The following ARHGAP35 variants were observed in gnomAD, a reference collection of about 807,000 sequenced individuals.
The protein encoded by ARHGAP35 is Rho GTPase activating protein 35, also known as rho GTPase-activating protein 35.
Under a neutral mutation model 111.1 loss-of-function variants are expected in ARHGAP35, and 15 were observed. The observed-to-expected ratio is 0.13, with a 90% CI of 0.09 to 0.21. The LOEUF is 0.21. ARHGAP35 is among the 10% of genes least tolerant of loss of function. The probability of loss-of-function intolerance (pLI) is 1.00; values close to 1 mark genes in which losing one functional copy is unlikely to be tolerated. For missense variants in ARHGAP35, 1,262 were observed against 1,873.0 expected (o/e 0.67, Z 6.02); for synonymous variants, 643 against 710.3 (o/e 0.91, Z 1.51).
At chr19:46,938,935 A>G (rs10407209) in intron 3 of ARHGAP35, among the ~76,000 whole-genome samples, 3,595 of 152,238 alleles carry the variant, frequency 0.024, 149 homozygotes, top group African/African-American at 0.081. Flanking sequence ...GATTACAGGC[A>G]TGAGCCACTG....
At chr19:46,900,409 C>T (rs1319814461) in intron 1 of ARHGAP35, among the ~76,000 whole-genome samples, 1 of 152,012 alleles carries the variant, frequency 6.6e-6, no homozygotes, top group Non-Finnish European at 1.5e-5. Context: ...GTAGTAGAGA[C>T]GGAGTTTTGC....
intron 1 of ARHGAP35, among the ~76,000 whole-genome samples, chr19:46,894,416 C>T (rs1295782312): frequency 6.8e-6 from 1 of 146,454 alleles, no homozygotes; most frequent in Non-Finnish European, 1.5e-5. Context: ...ATGTAATTGA[C>T]TTTGGTTTAC....
At chr19:46,958,292 G>T (rs569063134) in intron 3 of ARHGAP35, among the ~76,000 whole-genome samples, 1 of 151,542 alleles carries the variant, frequency 6.6e-6, no homozygotes, top group Non-Finnish European at 1.5e-5. Context: ...GCTGAGGCAG[G>T]AGAATGGCGT....
In ARHGAP35 at chr19:46,908,883, A is replaced by G. The variant is rs983234786; in HGVS notation, c.-188-9605A>G. ...GTTCTGTATTCCCACCCTGGAATTC[A>G]GAAGAACCTTTAAGCAGGGATTGCA... On this transcript the variant is annotated intron_variant, in intron 1 of 6. Coordinates refer to ENST00000672722, the MANE Select transcript of ARHGAP35 (RefSeq NM_004491.5). This position sits in a 1 kb window ranked among gnomAD's most constrained non-coding sequence, Gnocchi z 4.2. Among the ~76,000 whole-genome samples the G allele has an allele frequency of 1.3e-5, 2 of 152,218 alleles. No individual in the cohort carries two copies. The highest frequency in any genetic ancestry group is 6.5e-5 in the Admixed American group (1 of 15,282).
Position 47,000,910 on chromosome 19 carries a change from T to A in ARHGAP35, c.*222T>A. ...AGACCTGAGCTGGCTTGGACCCATTTGAGGACTGAACTAGGCAGGCAATGG... is the reference window on the plus strand; with the variant it reads ...AGACCTGAGCTGGCTTGGACCCATTAGAGGACTGAACTAGGCAGGCAATGG... On this transcript the variant is annotated 3_prime_UTR_variant, in exon 7 of 7. Transcript: ENST00000672722. The surrounding 1 kb of genome is among the most constrained non-coding windows in gnomAD (Gnocchi z 6.9). 3.3e-6 allele frequency: 5 copies of A among 1,531,256 alleles called. No individual in the cohort carries two copies. Among genetic ancestry groups the A allele is most frequent in the Non-Finnish European group, 4.4e-6 (5 of 1,144,380 alleles). The allele number at this position is 1,531,256 out of a possible 1,614,324, so 94.9% of individuals were successfully genotyped here.
rs376399848 is a variant in ARHGAP35, at chr19:46,873,595, G to A, written c.-189+12386G>A. On this transcript the variant is annotated intron_variant, in intron 1 of 6. Coordinates refer to ENST00000672722, the MANE Select transcript of ARHGAP35 (RefSeq NM_004491.5). ...GGAGGTTGCAGTGAGCTGAGATCGC[G>A]CCACTGCACCCCACCTGGCTGACAG... Among the ~76,000 whole-genome samples, 13 of 145,540 alleles carry A rather than the reference G, an allele frequency of 8.9e-5. No individual in the cohort carries two copies. The East Asian group carries it at 2.5e-3, about 28-fold the overall frequency.
At chr19:46,884,554 G>T (rs778951339) in intron 1 of ARHGAP35, among the ~76,000 whole-genome samples, 1 of 142,934 alleles carries the variant, frequency 7.0e-6, no homozygotes, top group African/African-American at 2.6e-5. Flanking sequence ...AGACTGGAGC[G>T]CAGTGGCATG....
At chr19:46,940,948 T>C (rs1436611989) in intron 3 of ARHGAP35, among the ~76,000 whole-genome samples, 1 of 150,428 alleles carries the variant, frequency 6.6e-6, no homozygotes, top group Non-Finnish European at 1.5e-5. Flanking sequence ...CTTGCTTCTT[T>C]GTTGCCTACC....
rs1457512079 is a variant in ARHGAP35, at chr19:46,943,621, T to A, written c.3826+6213T>A. ...ATTCCAGGCAGGGAGTCCTAGCTGA[T>A]TAGAGATGACATTCCCAATGAAACT... On this transcript the variant is annotated intron_variant, in intron 3 of 6. Coordinates refer to ENST00000672722, the MANE Select transcript of ARHGAP35 (RefSeq NM_004491.5). Among the ~76,000 whole-genome samples the A allele has an allele frequency of 2.0e-5, 3 of 152,160 alleles. No homozygotes were observed. In the East Asian group the frequency reaches 5.8e-4, roughly 29 times the overall value.
Position 46,989,047 on chromosome 19 carries a change from C to T in ARHGAP35, c.3905-497C>T, listed in dbSNP as rs917589648. On this transcript the variant is annotated intron_variant, in intron 4 of 6. Coordinates refer to ENST00000672722, the MANE Select transcript of ARHGAP35 (RefSeq NM_004491.5). This position sits in a 1 kb window ranked among gnomAD's most constrained non-coding sequence, Gnocchi z 5.3. Reference sequence around the variant, plus strand: ...AGAAGGAAAGCATGACATGGGTCAGCGGTGCCTGTGGCTGGGAAGGGCCAG... The same window carrying T: ...AGAAGGAAAGCATGACATGGGTCAGTGGTGCCTGTGGCTGGGAAGGGCCAG... 18 of 165,886 alleles carry T rather than the reference C, an allele frequency of 1.1e-4. No homozygotes were observed. Among genetic ancestry groups the T allele is most frequent in the African/African-American group, 2.9e-4 (12 of 41,920 alleles). The allele number at this position is 165,886 out of a possible 1,614,324, so 10.3% of individuals were successfully genotyped here.
chr19:46,933,789 G>A (rs992316008), intron 2 of ARHGAP35, among the ~76,000 whole-genome samples: 7 of 152,158 alleles, frequency 4.6e-5, no homozygotes, highest in East Asian at 1.9e-4. Context: ...CCACTGCACC[G>A]CAGTCTGGAT....
intron 3 of ARHGAP35, among the ~76,000 whole-genome samples, chr19:46,956,562 G>A (rs906760758): frequency 2.6e-5 from 4 of 151,944 alleles, no homozygotes; most frequent in Non-Finnish European, 4.4e-5. Flanking sequence ...TGGGATTACA[G>A]GCGTGAGCAA....
chr19:47,000,589 C>T lies in ARHGAP35; in HGVS notation c.4401C>T (p.Val1467=), dbSNP rs760014385. The T allele has an allele frequency of 1.2e-6, 2 of 1,613,584 alleles. No homozygotes were observed. The highest frequency in any genetic ancestry group is 1.7e-6 in the Non-Finnish European group (2 of 1,179,840). The stretch of plus-strand genomic sequence containing the variant: ...TCCCCTTCCTCACTTCCACGCCTGT[C>T]ACAAGTCAGCCGTCGCCCCCACAGT... ...STVPFLTSTP[V]TSQPSPPQSP... is the part of the protein sequence containing the mutation. The change falls in exon 7 of 7, where the codon GTC becomes GTT. Residue 1467 remains valine (V), a synonymous_variant. Coordinates refer to ENST00000672722, the MANE Select transcript of ARHGAP35 (RefSeq NM_004491.5). This position sits in a 1 kb window ranked among gnomAD's most constrained non-coding sequence, Gnocchi z 6.9.
At chr19:46,948,852 GTATTACATA>G (rs1462139571) in intron 3 of ARHGAP35, 1 of 152,210 alleles carries the variant, frequency 6.6e-6, no homozygotes, top group East Asian at 1.9e-4. Flanking sequence ...TTTCACTCAT[GTATTACATA>G]TTTCAAAATT....
intron 1 of ARHGAP35, among the ~76,000 whole-genome samples, chr19:46,878,167 C>T (rs900052816): frequency 2.0e-5 from 3 of 151,936 alleles, no homozygotes; most frequent in African/African-American, 4.8e-5. Context: ...ACTACAGATG[C>T]GCACCACCAC....
Position 46,992,492 on chromosome 19 carries a change from AC to A in ARHGAP35, c.4036+2822del, listed in dbSNP as rs1391822518. 4.6e-5 allele frequency among the ~76,000 whole-genome samples: 7 copies of A among 150,676 alleles called. No individual in the cohort carries two copies. Among genetic ancestry groups the A allele is most frequent in the African/African-American group, 1.5e-4 (6 of 41,030 alleles). Reference sequence around the variant, plus strand: ...CTGTTCTGTCTCCTACCTGTAGCCCACCCCCACCTTCAAGAGTCGCTCTTGC... The same window carrying A: ...CTGTTCTGTCTCCTACCTGTAGCCCACCCCACCTTCAAGAGTCGCTCTTGC... On this transcript the variant is annotated intron_variant, in intron 5 of 6. Transcript: ENST00000672722. The surrounding 1 kb of genome is among the most constrained non-coding windows in gnomAD (Gnocchi z 4.4).
At chr19:46,886,459 T>C (rs2055993842) in intron 1 of ARHGAP35, among the ~76,000 whole-genome samples, 1 of 152,152 alleles carries the variant, frequency 6.6e-6, no homozygotes, top group Non-Finnish European at 1.5e-5. Flanking sequence ...ATGTATTTGT[T>C]AAATGCTTTC....
intron 3 of ARHGAP35, among the ~76,000 whole-genome samples, chr19:46,970,234 T>G (rs2056537993): frequency 6.6e-6 from 1 of 152,230 alleles, no homozygotes; most frequent in Non-Finnish European, 1.5e-5. Context: ...CTATTTCCAT[T>G]GGCAATATAT....
At chr19:46,973,230 G>A (rs773746829) in intron 3 of ARHGAP35, among the ~76,000 whole-genome samples, 1 of 152,166 alleles carries the variant, frequency 6.6e-6, no homozygotes, top group Non-Finnish European at 1.5e-5. Context: ...GGGCGTGGTG[G>A]TGGGCACCTG....
Sources: gnomAD v4.1 joint callset for allele counts (sites outside exome capture counted in the v4.1 genomes callset) on GRCh38, gnomAD v4.1.1 for gene constraint, Gnocchi (gnomAD v3.1) non-coding constraint, MANE v1.5 for transcripts, NCBI Gene and HGNC (gene_info 2026-07-23, HGNC 2026-07-21) for gene names.